The following MYT1L variants were observed in gnomAD, a reference collection of about 807,000 sequenced individuals.
The protein encoded by MYT1L is myelin transcription factor 1-like protein.
MYT1L carries 12 observed loss-of-function variants against 126.7 expected under a neutral mutation model. That is an observed-to-expected ratio of 0.09 (90% CI 0.06 to 0.15). The LOEUF (loss-of-function observed/expected upper bound fraction) is 0.15. Ranked by LOEUF, MYT1L falls within the 10% of genes least tolerant of loss-of-function variation. The probability of loss-of-function intolerance (pLI) is 1.00; values close to 1 mark genes in which losing one functional copy is unlikely to be tolerated. For missense variants in MYT1L, 979 were observed against 1,585.2 expected (o/e 0.62, Z 6.49); for synonymous variants, 541 against 604.2 (o/e 0.90, Z 1.53).
chr2:2,023,240 T>A (rs1169916710), intron 4 of MYT1L, among the ~76,000 whole-genome samples: 1 of 152,142 alleles, frequency 6.6e-6, no homozygotes, highest in Non-Finnish European at 1.5e-5. Flanking sequence ...CTTTACCGAA[T>A]CCTAGACACC....
chr2:2,308,519 G>A (rs1230561186), intron 1 of MYT1L, among the ~76,000 whole-genome samples: 2 of 148,118 alleles, frequency 1.4e-5, no homozygotes, highest in African/African-American at 5.0e-5. Context: ...CATATACCTT[G>A]CCTACACTTC....
chr2:2,204,004 A>G (rs1345781914), intron 2 of MYT1L, among the ~76,000 whole-genome samples: 1 of 152,242 alleles, frequency 6.6e-6, no homozygotes, highest in Non-Finnish European at 1.5e-5. Flanking sequence ...AAAACAAGAA[A>G]TGGGGAAGGC....
intron 4 of MYT1L, among the ~76,000 whole-genome samples, chr2:2,041,502 G>A (rs991189082): frequency 6.6e-6 from 1 of 152,104 alleles, no homozygotes; most frequent in South Asian, 2.1e-4. Flanking sequence ...TTTACTTTTC[G>A]TTTTACAAAG....
Position 1,979,711 on chromosome 2 carries a change from G to A in MYT1L, c.55+12C>T, listed in dbSNP as rs2060456787. ...TGAGCCGGCCTCAGGATGCAGGGAA[G>A]CGCGGACATACCTCGAACCCCTTTG... On this transcript the variant is annotated intron_variant, in intron 6 of 24. Coordinates refer to ENST00000647738, the MANE Select transcript of MYT1L (RefSeq NM_001303052.2). The surrounding 1 kb of genome is among the most constrained non-coding windows in gnomAD (Gnocchi z 4.0). The A allele has an allele frequency of 7.4e-6, 12 of 1,613,902 alleles. No individual in the cohort carries two copies. The highest frequency in any genetic ancestry group is 1.0e-5 in the Non-Finnish European group (12 of 1,179,898).
chr2:1,836,314 G>T (rs928143555), intron 21 of MYT1L, among the ~76,000 whole-genome samples: 7 of 89,210 alleles, frequency 7.8e-5, no homozygotes, highest in South Asian at 3.4e-4. Context: ...GCCCCCCCAA[G>T]ATTCCATCAA....
chr2:2,005,281 TTC>T (rs2063127601), intron 4 of MYT1L, among the ~76,000 whole-genome samples: 2 of 149,824 alleles, frequency 1.3e-5, no homozygotes, highest in South Asian at 4.3e-4. Flanking sequence ...CCTGTGTGCC[TTC>T]TTTCCTGCAG....
chr2:1,996,473 G>A (rs914697113), intron 5 of MYT1L, among the ~76,000 whole-genome samples: 1 of 150,804 alleles, frequency 6.6e-6, no homozygotes, highest in Non-Finnish European at 1.5e-5. Flanking sequence ...CTGCCTCAGT[G>A]TGGGCTGCAC....
At chr2:2,005,865 TTTCTTTCCTGCATGCG>T (rs1236355738) in intron 4 of MYT1L, among the ~76,000 whole-genome samples, 2 of 147,414 alleles carry the variant, frequency 1.4e-5, no homozygotes, top group Non-Finnish European at 3.0e-5. Context: ...TCCTGCCTGC[TTTCTTTCCTGCATGCG>T]TTCTTTCCTC....
intron 23 of MYT1L, 37 bp from the exon 24 acceptor site, chr2:1,792,501 G>C: frequency 1.9e-6 from 3 of 1,589,306 alleles, no homozygotes; most frequent in Non-Finnish European, 2.6e-6. Flanking sequence ...GTAACACCAG[G>C]AGGACCTAGG....
chr2:1,955,849 A>G lies in MYT1L; in HGVS notation c.153-12515T>C, dbSNP rs138796497. ...ATCCTATTTATGTACTTTTCAAATG[A>G]CCATTAGAAATACTTGTCCAAGGAA... On this transcript the variant is annotated intron_variant, in intron 8 of 24. Coordinates refer to ENST00000647738, the MANE Select transcript of MYT1L (RefSeq NM_001303052.2). Among the ~76,000 whole-genome samples the G allele has an allele frequency of 1.4e-3, 214 of 152,316 alleles. 1 individual carries two copies. The highest frequency in any genetic ancestry group is 4.9e-3 in the African/African-American group (203 of 41,566).
chr2:2,256,372 T>C (rs1433172738), intron 2 of MYT1L, among the ~76,000 whole-genome samples: 1 of 152,218 alleles, frequency 6.6e-6, no homozygotes. Flanking sequence ...TGGCCACAGG[T>C]CTAATTCAGG....
chr2:1,999,649 A>T (rs936676164), intron 4 of MYT1L, among the ~76,000 whole-genome samples: 13 of 152,056 alleles, frequency 8.5e-5, no homozygotes, highest in African/African-American at 3.1e-4. Flanking sequence ...CTATTAAAAT[A>T]AAAAAAATGA....
intron 2 of MYT1L, among the ~76,000 whole-genome samples, chr2:2,205,789 C>T (rs1482295249): frequency 6.6e-6 from 1 of 152,076 alleles, no homozygotes; most frequent in Non-Finnish European, 1.5e-5. Context: ...ATGTTTCCAT[C>T]CCCCTTCTCT....
chr2:2,237,287 C>T (rs1300728354), intron 2 of MYT1L, among the ~76,000 whole-genome samples: 1 of 152,096 alleles, frequency 6.6e-6, no homozygotes, highest in Non-Finnish European at 1.5e-5. Context: ...AACTGATAAC[C>T]AGCACTTTTC....
At chr2:2,321,679 T>G (rs2096169671) in intron 1 of MYT1L, among the ~76,000 whole-genome samples, 1 of 152,118 alleles carries the variant, frequency 6.6e-6, no homozygotes, top group East Asian at 1.9e-4. Context: ...CTAGAAATCC[T>G]ATAATGAAAA....
At chr2:2,269,674 T>C (rs1434936439) in intron 2 of MYT1L, among the ~76,000 whole-genome samples, 1 of 152,112 alleles carries the variant, frequency 6.6e-6, no homozygotes, top group African/African-American at 2.4e-5. Flanking sequence ...GCCCCTGGAT[T>C]TGTGCTCCCC....
chr2:2,330,938 G>A (rs1038152358), intron 1 of MYT1L, 29 bp downstream of exon 1: 1 of 152,008 alleles, frequency 6.6e-6, no homozygotes, highest in Non-Finnish European at 1.5e-5. Context: ...TAAGTTCCCC[G>A]AAAAATTAAC....
chr2:2,262,446 A>G (rs935142797), intron 2 of MYT1L, among the ~76,000 whole-genome samples: 14 of 152,150 alleles, frequency 9.2e-5, no homozygotes, highest in South Asian at 8.3e-4. Flanking sequence ...TAATCCCAGC[A>G]CTTTGGGAGG....
At chr2:1,866,685 CAGAGAG>C (rs2045572349) in intron 18 of MYT1L, among the ~76,000 whole-genome samples, 1 of 27,660 alleles carries the variant, frequency 3.6e-5, no homozygotes. Context: ...GAGAGAGAGG[CAGAGAG>C]AGAGGGAGAG....
Sources: allele counts gnomAD v4.1 joint callset (sites outside exome capture counted in the v4.1 genomes callset), GRCh38; gene constraint gnomAD v4.1.1; non-coding constraint Gnocchi (gnomAD v3.1); transcripts MANE v1.5; gene names NCBI Gene and HGNC (gene_info 2026-07-23, HGNC 2026-07-21).